COQ4: variants seen among roughly 807,000 people sequenced by gnomAD.
COQ4 encodes the protein coenzyme Q4.
Under a neutral mutation model 30.2 loss-of-function variants are expected in COQ4, and 36 were observed. The ratio of observed to expected loss-of-function variants is 1.19; its 90% CI spans 0.91 to 1.57. The LOEUF (loss-of-function observed/expected upper bound fraction) is 1.57, where lower values mean the gene tolerates loss of function less well. Among genes scored for constraint, COQ4 ranks in the 40% most tolerant of loss-of-function variants. COQ4 has a pLI of 0.00. For missense variants in COQ4, 369 were observed against 371.9 expected, an observed-to-expected ratio of 0.99 and a Z score of 0.07; for synonymous variants, 197 against 161.0, an observed-to-expected ratio of 1.22 and a Z score of -1.69.
In COQ4 at chr9:128,322,896, G is replaced by C; in HGVS notation, c.38G>C (p.Cys13Ser). The stretch of plus-strand genomic sequence containing the variant: ...CTGCGCCCTGTCCTCCGTCGGCTCT[G>C]CGGGCTCCCGGGCCTACAGCGGCCT... ...TLLRPVLRRL[C>S]GLPGLQRPAA... The change falls in exon 1 of 7, where the codon TGC becomes TCC. Residue 13 changes from cysteine (C) to serine (S), a missense_variant. Cys to Ser is a moderately radical substitution (Grantham distance 112). Transcript: ENST00000300452. 3.8e-6 allele frequency: 6 copies of C among 1,593,310 alleles called. No individual in the cohort carries two copies. Among genetic ancestry groups the C allele is most frequent in the Non-Finnish European group, 5.1e-6 (6 of 1,174,164 alleles).
intron 4 of COQ4, chr9:128,331,700 A>G (rs1832409373): frequency 6.5e-6 from 1 of 153,848 alleles, no homozygotes; most frequent in African/African-American, 2.4e-5. Context: ...ACACACCACC[A>G]CACCTGACTA....
chr9:128,326,329 C>T (rs1375252510), intron 4 of COQ4: 1 of 183,330 alleles, frequency 5.5e-6, no homozygotes, highest in Admixed American at 6.1e-5. Context: ...GCTTTCCCTA[C>T]GGTATGGCAG....
chr9:128,323,423 T>C (rs1466842276), intron 2 of COQ4: 3 of 521,080 alleles, frequency 5.8e-6, no homozygotes, highest in South Asian at 5.9e-5. Flanking sequence ...CTAGACTAAA[T>C]AGATGATTCA....
In COQ4 at chr9:128,332,134, G is replaced by T. The variant is rs1483782948; in HGVS notation, c.403-19G>T. 6.4e-7 allele frequency: 1 copy of T among 1,555,636 alleles called. No homozygotes were observed. Among genetic ancestry groups the T allele is most frequent in the South Asian group, 1.2e-5 (1 of 84,440 alleles). Reference sequence around the variant, plus strand: ...GGGAACCATCAGGAAGGGTTCTAGGGGAGGCTCATGGTTGTCAGAGGGTCT... The same window carrying T: ...GGGAACCATCAGGAAGGGTTCTAGGTGAGGCTCATGGTTGTCAGAGGGTCT... On this transcript the variant is annotated intron_variant, in intron 4 of 6. Coordinates refer to ENST00000300452, the MANE Select transcript of COQ4 (RefSeq NM_016035.5).
In COQ4 at chr9:128,333,541, G is replaced by A. The variant is rs749876143; in HGVS notation, c.694G>A (p.Val232Ile). The change falls in exon 7 of 7, where the codon GTC (valine) becomes ATC (isoleucine). Residue 232 changes from valine to isoleucine, a missense_variant. Val to Ile is a conservative substitution (Grantham distance 29). Coordinates refer to ENST00000300452, the MANE Select transcript of COQ4 (RefSeq NM_016035.5). ...TCAGAACGGGCGCAGAGCCCCATGTGTCCTCAACCTGTACTATGAGCGGCG... is the reference window on the plus strand; with the variant it reads ...TCAGAACGGGCGCAGAGCCCCATGTATCCTCAACCTGTACTATGAGCGGCG... ...AVQNGRRAPC[V>I]LNLYYERRWE... 2.7e-5 allele frequency: 43 copies of A among 1,609,722 alleles called. No individual in the cohort carries two copies. Among genetic ancestry groups the A allele is most frequent in the Non-Finnish European group, 3.5e-5 (41 of 1,178,324 alleles).
At chr9:128,323,227 G>T (rs1232084424) in intron 2 of COQ4, 80 bp downstream of exon 2, 1 of 1,397,348 alleles carries the variant, frequency 7.2e-7, no homozygotes, top group Non-Finnish European at 9.4e-7. Flanking sequence ...GCCTAGGTCG[G>T]GGTACCCAAA....
chr9:128,326,715 T>C (rs879903618), intron 4 of COQ4, among the ~76,000 whole-genome samples: 13 of 151,990 alleles, frequency 8.6e-5, no homozygotes, highest in Middle Eastern at 3.5e-3. Flanking sequence ...AGTGCTGGGA[T>C]TACAGGCGTG....
At chr9:128,327,228 A>G (rs1317164839) in intron 4 of COQ4, among the ~76,000 whole-genome samples, 2 of 151,994 alleles carry the variant, frequency 1.3e-5, no homozygotes, top group Non-Finnish European at 2.9e-5. Context: ...GGACCACCTA[A>G]GGTCAGGAGT....
intron 6 of COQ4, 79 bp downstream of exon 6, chr9:128,333,022 G>C: frequency 9.4e-7 from 1 of 1,062,086 alleles, no homozygotes; most frequent in Non-Finnish European, 1.5e-6. Context: ...GCTCTTAGAA[G>C]TAGGAAGAGC....
chr9:128,323,632 G>A (rs1334471401), intron 2 of COQ4: 3 of 325,960 alleles, frequency 9.2e-6, no homozygotes, highest in African/African-American at 6.4e-5. Context: ...AGATTTTTGA[G>A]TTCTGGGAAG....
rs536973325 is a variant in COQ4, at chr9:128,332,224, G to T, written c.474G>T (p.Arg158=). 19 of 1,612,942 alleles carry T rather than the reference G, an allele frequency of 1.2e-5. No individual in the cohort carries two copies. The South Asian group carries it at 1.9e-4, about 16-fold the overall frequency. The part of the protein sequence containing the change: ...DDEELAYVIQ[R]YREVHDMLHT... Reference sequence around the variant, plus strand: ...AGGAGCTAGCGTATGTGATTCAGCGGTACCGGGAGGTGCACGACATGCTTC... The same window carrying T: ...AGGAGCTAGCGTATGTGATTCAGCGTTACCGGGAGGTGCACGACATGCTTC... Residue 158 remains arginine, a synonymous_variant, in exon 5 of 7, where the codon CGG becomes CGT. Transcript: ENST00000300452.
intron 5 of COQ4, 23 bp from the exon 6 acceptor site, chr9:128,332,827 C>T (rs761350431): frequency 3.1e-6 from 5 of 1,587,370 alleles, no homozygotes; most frequent in Non-Finnish European, 4.3e-6. Flanking sequence ...TTGTTCACCT[C>T]CCAACACATC....
rs577650276 is a variant in COQ4 at position 128,333,376 on chromosome 9, C to G, written c.627-98C>G. The G allele has an allele frequency of 2.3e-5, 25 of 1,107,488 alleles. 2 individuals carry two copies. In the Admixed American group the frequency reaches 5.1e-4, roughly 22 times the overall value. 68.6% of individuals were successfully genotyped at this position (1,107,488 alleles called of 1,614,324 possible). On this transcript the variant is annotated intron_variant, in intron 6 of 6. Coordinates refer to ENST00000300452, the MANE Select transcript of COQ4 (RefSeq NM_016035.5). The stretch of plus-strand genomic sequence containing the variant: ...GGATAATAACTACCTCCTTCCGAGG[C>G]CTTTGTGAGGATGAACTGAGAAAAT...
intron 5 of COQ4, 182 bp from the exon 6 acceptor site, chr9:128,332,668 A>C: frequency 1.6e-6 from 1 of 618,044 alleles, no homozygotes; most frequent in Non-Finnish European, 2.9e-6. Context: ...CCTTCTGTTC[A>C]CTCTTGGGCT....
chr9:128,333,489 G>A lies in COQ4; in HGVS notation c.642G>A (p.Leu214=). ...IRLGAQSLQV[L]VSELIPWAVQ... ...TGCCCCACAGGAGCCTGCAAGTGCTGGTCTCGGAGTTGATCCCATGGGCCG... is the reference window on the plus strand; with the variant it reads ...TGCCCCACAGGAGCCTGCAAGTGCTAGTCTCGGAGTTGATCCCATGGGCCG... The change falls in exon 7 of 7, where the codon CTG becomes CTA. Residue 214 remains leucine, a synonymous_variant. Coordinates refer to ENST00000300452, the MANE Select transcript of COQ4 (RefSeq NM_016035.5). 1 of 1,543,834 alleles carries A rather than the reference G, an allele frequency of 6.5e-7. No individual in the cohort carries two copies. The highest frequency in any genetic ancestry group is 8.7e-7 in the Non-Finnish European group (1 of 1,148,040).
At chr9:128,328,015 A>C (rs960022726) in intron 4 of COQ4, among the ~76,000 whole-genome samples, 30 of 152,350 alleles carry the variant, frequency 2.0e-4, no homozygotes, top group African/African-American at 7.2e-4. Context: ...GAAGGTAAGG[A>C]GGAGCCAACC....
intron 4 of COQ4, among the ~76,000 whole-genome samples, chr9:128,327,621 G>A (rs1340254329): frequency 6.6e-6 from 1 of 152,126 alleles, no homozygotes; most frequent in African/African-American, 2.4e-5. Context: ...ACAACATGGT[G>A]AAACCCTGTC....
chr9:128,330,715 T>C (rs1206753227), intron 4 of COQ4: 2 of 152,182 alleles, frequency 1.3e-5, no homozygotes, highest in Admixed American at 6.6e-5. Context: ...TCCGCCCGCC[T>C]CGGCCTCCCA....
At position 128,322,910 on chromosome 9, in the gene COQ4, C is replaced by G. The variant is rs1179024674; in HGVS notation, c.52C>G (p.Leu18Val). The G allele has an allele frequency of 5.0e-6, 8 of 1,598,510 alleles. No individual in the cohort carries two copies. In the East Asian group the frequency reaches 6.7e-5, roughly 13 times the overall value. Residue 18 changes from leucine (L) to valine (V), a missense_variant, in exon 1 of 7, where the codon CTA becomes GTA. By Grantham distance (32) the Leu-to-Val change is conservative. Transcript: ENST00000300452. ...CCGTCGGCTCTGCGGGCTCCCGGGC[C>G]TACAGCGGCCTGCGGCAGGCAAGTG... is the stretch of plus-strand genomic sequence containing the variant. The part of the protein sequence containing the change: ...VLRRLCGLPG[L>V]QRPAAEMPLR...
Sources: allele counts gnomAD v4.1 joint callset (sites outside exome capture counted in the v4.1 genomes callset), GRCh38; gene constraint gnomAD v4.1.1; transcripts MANE v1.5; gene names NCBI Gene and HGNC (gene_info 2026-07-23, HGNC 2026-07-21).